Variants in NCAN observed in about 807,000 individuals in gnomAD.
NCAN encodes the protein neurocan core protein.
Under a neutral mutation model 121.8 loss-of-function variants are expected in NCAN, and 47 were observed. The ratio of observed to expected loss-of-function variants is 0.39; its 90% CI spans 0.31 to 0.49. NCAN has a LOEUF of 0.49. Ranked by LOEUF, NCAN falls within the 20% of genes least tolerant of loss-of-function variation. NCAN has a pLI of 0.92. For synonymous variants in NCAN, 633 were observed against 702.0 expected (o/e 0.90, Z 1.55); for missense variants, 1,517 against 1,773.4 (o/e 0.86, Z 2.60).
chr19:19,220,062 A>G (rs543623439), intron 3 of NCAN, among the ~76,000 whole-genome samples: 1 of 152,050 alleles, frequency 6.6e-6, no homozygotes, highest in Non-Finnish European at 1.5e-5. Context: ...TATGGGTACT[A>G]TCTTGTCTTT....
At chr19:19,239,858 C>T (rs1373097611) in intron 11 of NCAN, among the ~76,000 whole-genome samples, 1 of 138,938 alleles carries the variant, frequency 7.2e-6, no homozygotes, top group Non-Finnish European at 1.6e-5. Context: ...CCTCCAACTC[C>T]TCCCCTCCTC....
intron 13 of NCAN, among the ~76,000 whole-genome samples, chr19:19,247,656 G>A (rs2060929458): frequency 6.6e-6 from 1 of 152,142 alleles, no homozygotes; most frequent in Non-Finnish European, 1.5e-5. Context: ...CTCCCAAAGT[G>A]CTGGCATTAC....
chr19:19,222,568 T>C (rs1303260473), intron 3 of NCAN, among the ~76,000 whole-genome samples: 1 of 152,198 alleles, frequency 6.6e-6, no homozygotes, highest in African/African-American at 2.4e-5. Flanking sequence ...CATGAGCTGC[T>C]ATGCCCGGAC....
chr19:19,224,180 C>T lies in NCAN; in HGVS notation c.635C>T (p.Ser212Phe), dbSNP rs755850580. 3 of 1,591,268 alleles carry T rather than the reference C, an allele frequency of 1.9e-6. No homozygotes were observed. In the Admixed American group the frequency reaches 5.1e-5, roughly 27 times the overall value. ...GFDNCDAGWL[S>F]DRTVRYPITQ... ...GACAACTGTGATGCTGGCTGGCTCTCTGACCGCACTGTTCGGTGAGGGGGA... is the reference window on the plus strand; with the variant it reads ...GACAACTGTGATGCTGGCTGGCTCTTTGACCGCACTGTTCGGTGAGGGGGA... Residue 212 changes from serine (S) to phenylalanine (F), a missense_variant, in exon 4 of 15, where the codon TCT (serine) becomes TTT (phenylalanine). Ser to Phe is a radical substitution (Grantham distance 155). Coordinates refer to ENST00000252575, the MANE Select transcript of NCAN (RefSeq NM_004386.3).
In NCAN at chr19:19,223,994, C is replaced by T. The variant is rs192275827; in HGVS notation, c.476-27C>T. The T allele has an allele frequency of 2.0e-5, 30 of 1,496,402 alleles. 1 individual carries two copies. The highest frequency in any genetic ancestry group is 2.7e-5 in the Non-Finnish European group (30 of 1,117,504). 92.7% of individuals were successfully genotyped at this position (1,496,402 alleles called of 1,614,324 possible). A position where few individuals can be genotyped will look rare whatever the true frequency, so the allele number is the denominator to read the frequency against. On this transcript the variant is annotated intron_variant, in intron 3 of 14. Coordinates refer to ENST00000252575, the MANE Select transcript of NCAN (RefSeq NM_004386.3). ...GAAGATTCCAGCATAAGTCAACTGT[C>T]CCCCCATCCTGGATGTTCCCCCACA...
Position 19,227,341 on chromosome 19 carries a change from C to G in NCAN, c.1721C>G (p.Pro574Arg). The change falls in exon 8 of 15, where the codon CCC (proline) becomes CGC (arginine). Residue 574 changes from proline to arginine, a missense_variant. Transcript: ENST00000252575. This position sits in a 1 kb window ranked among gnomAD's most constrained non-coding sequence, Gnocchi z 4.2. ...CTGTGGCCCCCTACCATGGTCCCACCCAGCATCTCAGGCCACAGCAGGGCC... is the reference window on the plus strand; with the variant it reads ...CTGTGGCCCCCTACCATGGTCCCACGCAGCATCTCAGGCCACAGCAGGGCC... ...PWLWPPTMVP[P>R]SISGHSRAPV... The G allele has an allele frequency of 6.2e-7, 1 of 1,610,642 alleles. No individual in the cohort carries two copies. The highest frequency in any genetic ancestry group is 1.3e-5 in the African/African-American group (1 of 74,984).
In NCAN at chr19:19,251,976, C is replaced by T. The variant is rs2060947992; in HGVS notation, c.*2065C>T. ...GCCCCTCAGCCGTTTGCCCTGCCCCCACCTCGGCTCCATGGTGGGAGGGGG... is the reference window on the plus strand; with the variant it reads ...GCCCCTCAGCCGTTTGCCCTGCCCCTACCTCGGCTCCATGGTGGGAGGGGG... On this transcript the variant is annotated 3_prime_UTR_variant, in exon 15 of 15. Transcript: ENST00000252575. 1 of 152,566 alleles carries T rather than the reference C, an allele frequency of 6.6e-6. No individual in the cohort carries two copies. The highest frequency in any genetic ancestry group is 6.5e-5 in the Admixed American group (1 of 15,268). 9.5% of individuals were successfully genotyped at this position (152,566 alleles called of 1,614,324 possible). A position where few individuals can be genotyped will look rare whatever the true frequency, so the allele number is the denominator to read the frequency against.
At chr19:19,235,379 C>T (rs1010810935) in intron 10 of NCAN, among the ~76,000 whole-genome samples, 5 of 151,972 alleles carry the variant, frequency 3.3e-5, no homozygotes, top group African/African-American at 1.2e-4. Flanking sequence ...AAGCAATTTT[C>T]CCTGCCTCAG....
intron 3 of NCAN, among the ~76,000 whole-genome samples, chr19:19,219,966 G>T (rs985574162): frequency 6.6e-6 from 1 of 151,764 alleles, no homozygotes; most frequent in African/African-American, 2.4e-5. Context: ...GGTGGAGGTT[G>T]CAGTGAGCTG....
In NCAN at chr19:19,224,079, C is replaced by A; in HGVS notation, c.534C>A (p.Ala178=). ...GCTATGCACTGACCTTCGCTGAGGC[C>A]CAGGAGGCCTGCCGTCTCAGCTCAG... ...RDRYALTFAE[A]QEACRLSSAI... Residue 178 remains alanine, a synonymous_variant, in exon 4 of 15, where the codon GCC becomes GCA. Coordinates refer to ENST00000252575, the MANE Select transcript of NCAN (RefSeq NM_004386.3). 6.2e-7 allele frequency: 1 copy of A among 1,603,088 alleles called. No individual in the cohort carries two copies. The highest frequency in any genetic ancestry group is 8.5e-7 in the Non-Finnish European group (1 of 1,171,806).
chr19:19,233,551 A>G (rs1387906055), intron 8 of NCAN, among the ~76,000 whole-genome samples: 2 of 152,184 alleles, frequency 1.3e-5, no homozygotes, highest in East Asian at 3.8e-4. Flanking sequence ...AGTCTGAGGA[A>G]GGACTTTGCT....
intron 10 of NCAN, among the ~76,000 whole-genome samples, chr19:19,235,552 A>G (rs892281773): frequency 6.6e-6 from 1 of 150,642 alleles, no homozygotes; most frequent in African/African-American, 2.4e-5. Context: ...AATTACAGGC[A>G]TGTGCCACTG....
At position 19,238,269 on chromosome 19, in the gene NCAN, C is replaced by G; in HGVS notation, c.3267C>G (p.Asp1089Glu). ...ATCTCCCAGACACCGAGGGCTGTGA[C>G]CGCGGCTGGCATAAGTTCCAGGGCC... ...SFCEKDTEGC[D>E]RGWHKFQGHC... The change falls in exon 11 of 15, where the codon GAC becomes GAG. Residue 1089 changes from aspartate to glutamate, a missense_variant. By Grantham distance (45) the Asp-to-Glu change is conservative. Coordinates refer to ENST00000252575, the MANE Select transcript of NCAN (RefSeq NM_004386.3). 1.2e-6 allele frequency: 2 copies of G among 1,614,196 alleles called. No homozygotes were observed. Among genetic ancestry groups the G allele is most frequent in the Non-Finnish European group, 1.7e-6 (2 of 1,180,032 alleles).
At chr19:19,246,948 G>A (rs1294076417) in intron 13 of NCAN, among the ~76,000 whole-genome samples, 1 of 152,074 alleles carries the variant, frequency 6.6e-6, no homozygotes, top group Non-Finnish European at 1.5e-5. Context: ...TGATCTTACT[G>A]ATTTTTAAGA....
At chr19:19,247,686 C>T (rs1381676152) in intron 13 of NCAN, among the ~76,000 whole-genome samples, 12 of 152,202 alleles carry the variant, frequency 7.9e-5, no homozygotes, top group Admixed American at 7.2e-4. Context: ...CTGCCGCACC[C>T]GGCCTTTATT....
At chr19:19,233,971 C>A in intron 9 of NCAN, 66 bp downstream of exon 9, 2 of 1,003,422 alleles carry the variant, frequency 2.0e-6, no homozygotes. Context: ...GGTTGTACTC[C>A]AGCAGCCATG....
Position 19,228,220 on chromosome 19 carries a change from C to A in NCAN, c.2600C>A (p.Thr867Lys). The A allele has an allele frequency of 6.2e-7, 1 of 1,613,946 alleles. No individual in the cohort carries two copies. ...TTGAGCCCTCAGGTGGCCCTGGATA[C>A]AAGCATTGTGACGCCCCTCACGACC... Reference protein sequence around the residue: ...TTLSPQVALDTSIVTPLTTLE... With the variant: ...TTLSPQVALDKSIVTPLTTLE... Residue 867 changes from threonine to lysine, a missense_variant, in exon 8 of 15, where the codon ACA (threonine) becomes AAA (lysine). Coordinates refer to ENST00000252575, the MANE Select transcript of NCAN (RefSeq NM_004386.3).
Position 19,249,045 on chromosome 19 carries a change from T to TTGTGTG in NCAN, c.3820+193_3820+198dup, listed in dbSNP as rs112544518. ...CCAGCCTGTCTGATGTTTCCTTCAT[T>TTGTGTG]TGTGTGTGTGTGTGTGTGTGTGTGT... On this transcript the variant is annotated intron_variant, in intron 14 of 14. Transcript: ENST00000252575. 2.5e-3 allele frequency: 1,380 copies of TTGTGTG among 549,298 alleles called. 2 individuals are homozygous for TTGTGTG. The highest frequency in any genetic ancestry group is 3.0e-3 in the Non-Finnish European group (931 of 312,044). The allele number at this position is 549,298 out of a possible 1,614,324, so 34.0% of individuals were successfully genotyped here.
At chr19:19,215,106 C>T (rs1331193011) in intron 1 of NCAN, among the ~76,000 whole-genome samples, 2 of 152,072 alleles carry the variant, frequency 1.3e-5, no homozygotes, top group Non-Finnish European at 2.9e-5. Context: ...TGGGCTTTGC[C>T]GCTGCGTTGC....
Sources: gnomAD v4.1 joint callset for allele counts (sites outside exome capture counted in the v4.1 genomes callset) on GRCh38, gnomAD v4.1.1 for gene constraint, Gnocchi (gnomAD v3.1) non-coding constraint, MANE v1.5 for transcripts, NCBI Gene and HGNC (gene_info 2026-07-23, HGNC 2026-07-21) for gene names.